Variants in TAFA1 observed in about 807,000 individuals in gnomAD.
TAFA1 encodes the protein chemokine-like protein TAFA-1.
In TAFA1, 4 loss-of-function variants were observed where a neutral mutation model predicts 18.5. The ratio of observed to expected loss-of-function variants is 0.22; its 90% confidence interval spans 0.11 to 0.49. TAFA1 has a LOEUF of 0.49. TAFA1 is among the 20% of genes least tolerant of loss of function. The probability of loss-of-function intolerance (pLI) is 0.98; values close to 1 mark genes in which losing one functional copy is unlikely to be tolerated. For missense variants in TAFA1, 147 were observed against 169.0 expected, an observed-to-expected ratio of 0.87 and a Z score of 0.72; for synonymous variants, 56 against 55.2, an observed-to-expected ratio of 1.01 and a Z score of -0.06.
chr3:68,067,675 TGACCATCCG>T (rs1339680936), intron 2 of TAFA1, among the ~76,000 whole-genome samples: 2 of 152,206 alleles, frequency 1.3e-5, no homozygotes, highest in Non-Finnish European at 2.9e-5. Context: ...CTAAGCATTA[TGACCATCCG>T]GTAGCCAACT....
chr3:68,531,145 G>C (rs909519169), intron 3 of TAFA1, among the ~76,000 whole-genome samples: 1 of 152,064 alleles, frequency 6.6e-6, no homozygotes. Context: ...TAGTCTCTCC[G>C]GGCTTCAGTT....
chr3:68,400,041 T>A (rs1242566907), intron 2 of TAFA1, among the ~76,000 whole-genome samples: 1 of 152,140 alleles, frequency 6.6e-6, no homozygotes, highest in Non-Finnish European at 1.5e-5. Flanking sequence ...ACAGCCCAGG[T>A]CCAGTCTGAC....
intron 2 of TAFA1, among the ~76,000 whole-genome samples, chr3:68,067,578 A>G (rs2106740337): frequency 6.6e-6 from 1 of 152,230 alleles, no homozygotes; most frequent in South Asian, 2.1e-4. Context: ...TTTACTATTT[A>G]TTTGTAGAGG....
intron 2 of TAFA1, among the ~76,000 whole-genome samples, chr3:68,211,752 C>G (rs2066599893): frequency 6.6e-6 from 1 of 151,996 alleles, no homozygotes; most frequent in East Asian, 1.9e-4. Flanking sequence ...TGCAGAGATC[C>G]ATAAAGAGAG....
At chr3:68,385,763 C>A (rs920303698) in intron 2 of TAFA1, among the ~76,000 whole-genome samples, 1 of 151,900 alleles carries the variant, frequency 6.6e-6, no homozygotes, top group Non-Finnish European at 1.5e-5. Flanking sequence ...CACAGTCACA[C>A]TTACTCATTT....
chr3:68,179,126 A>T (rs2066163996), intron 2 of TAFA1, among the ~76,000 whole-genome samples: 1 of 152,220 alleles, frequency 6.6e-6, no homozygotes, highest in Non-Finnish European at 1.5e-5. Context: ...CTATTTTGAA[A>T]CACACATCAT....
chr3:68,360,968 G>A (rs993435851), intron 2 of TAFA1, among the ~76,000 whole-genome samples: 3 of 151,928 alleles, frequency 2.0e-5, no homozygotes, highest in Non-Finnish European at 4.4e-5. Context: ...CTGTTTTGAC[G>A]ATGGATAAAG....
chr3:68,373,664 A>G (rs769229454), intron 2 of TAFA1, among the ~76,000 whole-genome samples: 2 of 152,210 alleles, frequency 1.3e-5, no homozygotes, highest in Non-Finnish European at 2.9e-5. Flanking sequence ...TACAAGTGTA[A>G]TAAATGCTGA....
intron 2 of TAFA1, among the ~76,000 whole-genome samples, chr3:68,326,282 A>T (rs1430997978): frequency 5.3e-5 from 8 of 152,178 alleles, no homozygotes; most frequent in Admixed American, 4.6e-4. Flanking sequence ...TGTGTCACAT[A>T]TTTGAAACTC....
At chr3:68,535,904 TATCCATTGTTAAGCTATAGGGC>T (rs1291650420) in intron 3 of TAFA1, among the ~76,000 whole-genome samples, 3 of 152,212 alleles carry the variant, frequency 2.0e-5, no homozygotes, top group Non-Finnish European at 4.4e-5. Context: ...AGTGATTGGC[TATCCATTGTTAAGCTATAGGGC>T]ATGGGATATG....
At chr3:68,329,620 A>G (rs1003001291) in intron 2 of TAFA1, among the ~76,000 whole-genome samples, 4 of 152,144 alleles carry the variant, frequency 2.6e-5, no homozygotes, top group Non-Finnish European at 5.9e-5. Context: ...CTTTGTTTTA[A>G]TGCCCACAGT....
intron 2 of TAFA1, among the ~76,000 whole-genome samples, chr3:68,008,125 G>A (rs1704400625): frequency 6.6e-6 from 1 of 152,238 alleles, no homozygotes; most frequent in Non-Finnish European, 1.5e-5. Flanking sequence ...CAGGGAAGGC[G>A]AGGGGGCGCT....
At chr3:68,092,231 CT>C (rs957660739) in intron 2 of TAFA1, among the ~76,000 whole-genome samples, 54 of 149,440 alleles carry the variant, frequency 3.6e-4, no homozygotes, top group East Asian at 1.8e-3. Context: ...AAACACACAC[CT>C]TTTTTTTTTC....
chr3:68,061,822 C>A (rs2064605394), intron 2 of TAFA1, among the ~76,000 whole-genome samples: 1 of 152,134 alleles, frequency 6.6e-6, no homozygotes. Context: ...CCACAAAACA[C>A]CCTTCAGGAA....
At chr3:68,060,686 C>T (rs56000617) in intron 2 of TAFA1, among the ~76,000 whole-genome samples, 11,792 of 152,140 alleles carry the variant, frequency 0.078, 671 homozygotes, top group Non-Finnish European at 0.11. Context: ...TTGGGTCAGT[C>T]TCTGTTGAGC....
At chr3:68,283,215 C>T (rs1330018126) in intron 2 of TAFA1, among the ~76,000 whole-genome samples, 2 of 152,288 alleles carry the variant, frequency 1.3e-5, no homozygotes, top group African/African-American at 4.8e-5. Flanking sequence ...TGCTATACTT[C>T]CTCACCCTAG....
intron 2 of TAFA1, among the ~76,000 whole-genome samples, chr3:68,318,441 CAGGTATA>C (rs2068641129): frequency 6.6e-6 from 1 of 152,126 alleles, no homozygotes; most frequent in Middle Eastern, 3.2e-3. Flanking sequence ...ATAGATCCTT[CAGGTATA>C]AGGGATCTTT....
At chr3:68,480,928 G>C (rs1302645532) in intron 3 of TAFA1, among the ~76,000 whole-genome samples, 1 of 152,066 alleles carries the variant, frequency 6.6e-6, no homozygotes, top group Non-Finnish European at 1.5e-5. Context: ...AGATAGGATG[G>C]TTTTATAAGG....
chr3:68,162,121 G>C (rs909112175), intron 2 of TAFA1, among the ~76,000 whole-genome samples: 1 of 152,060 alleles, frequency 6.6e-6, no homozygotes, highest in African/African-American at 2.4e-5. Flanking sequence ...CATAAAGCCT[G>C]ATAATAAATA....
Sources: allele counts gnomAD v4.1 joint callset (sites outside exome capture counted in the v4.1 genomes callset), GRCh38; gene constraint gnomAD v4.1.1; transcripts MANE v1.5; gene names NCBI Gene and HGNC (gene_info 2026-07-23, HGNC 2026-07-21).